The following SPPL3 variants were observed in gnomAD, a reference collection of about 807,000 sequenced individuals.
SPPL3 encodes signal peptide peptidase like 3.
In SPPL3, 5 loss-of-function variants were observed where a neutral mutation model predicts 42.4. The ratio of observed to expected loss-of-function variants is 0.12; its 90% CI spans 0.06 to 0.25. The LOEUF (loss-of-function observed/expected upper bound fraction) is 0.25. SPPL3 is among the 10% of genes least tolerant of loss of function. The probability of loss-of-function intolerance (pLI) is 1.00; values close to 1 mark genes in which losing one functional copy is unlikely to be tolerated. For synonymous variants in SPPL3, 195 were observed against 181.8 expected, an observed-to-expected ratio of 1.07 and a Z score of -0.58; for missense variants, 235 against 489.0, an observed-to-expected ratio of 0.48 and a Z score of 4.90.
At position 120,810,829 on chromosome 12, in the gene SPPL3, A is replaced by C; in HGVS notation, c.81T>G (p.Leu27=). 1 of 1,612,408 alleles carries C rather than the reference A, an allele frequency of 6.2e-7. No homozygotes were observed. The highest frequency in any genetic ancestry group is 1.1e-5 in the South Asian group (1 of 91,032). Reference sequence around the variant, plus strand: ...CTTACCTGAAACTACCATAGACTATAAGAAGAATGGAAATCAGAAATGTAG... The same window carrying C: ...CTTACCTGAAACTACCATAGACTATCAGAAGAATGGAAATCAGAAATGTAG... ...QVSTFLISIL[L]IVYGSFRSLN... The change falls in exon 2 of 11, where the codon CTT becomes CTG. Residue 27 remains leucine (L), a synonymous_variant. Transcript: ENST00000353487.
chr12:120,872,866 G>A (rs1872970611), intron 1 of SPPL3, among the ~76,000 whole-genome samples: 1 of 152,124 alleles, frequency 6.6e-6, no homozygotes. Flanking sequence ...GGATCAAACT[G>A]ATCCAAACAT....
chr12:120,880,776 G>A (rs1415391360), intron 1 of SPPL3, among the ~76,000 whole-genome samples: 1 of 151,556 alleles, frequency 6.6e-6, no homozygotes, highest in Admixed American at 6.6e-5. Context: ...GACAGAGAGA[G>A]ACTCCGTCTC....
At chr12:120,817,365 C>T (rs1483933431) in intron 1 of SPPL3, among the ~76,000 whole-genome samples, 1 of 152,162 alleles carries the variant, frequency 6.6e-6, no homozygotes, top group South Asian at 2.1e-4. Flanking sequence ...CAGAAATACT[C>T]TTTCCATCTT....
intron 1 of SPPL3, among the ~76,000 whole-genome samples, chr12:120,889,375 G>C (rs375331398): frequency 3.9e-5 from 6 of 152,198 alleles, no homozygotes; most frequent in Admixed American, 6.5e-5. Flanking sequence ...ACTAATGGGC[G>C]TAAGATTTAT....
chr12:120,796,153 A>C (rs1401938334), intron 2 of SPPL3, among the ~76,000 whole-genome samples: 1 of 152,152 alleles, frequency 6.6e-6, no homozygotes. Context: ...AGGTGGGTGG[A>C]TCACTTGACG....
Position 120,903,744 on chromosome 12 carries a change from C to A in SPPL3, c.23+101G>T, listed in dbSNP as rs1036542324. On this transcript the variant is annotated intron_variant, in intron 1 of 10. Transcript: ENST00000353487. Reference sequence around the variant, plus strand: ...CACCCCAACCCGCGCCCCCCCCCCACGACACGCACCTGTTCTTCCTCCTCT... The same window carrying A: ...CACCCCAACCCGCGCCCCCCCCCCAAGACACGCACCTGTTCTTCCTCCTCT... The A allele has an allele frequency of 5.0e-4, 352 of 711,000 alleles. 1 individual carries two copies. The highest frequency in any genetic ancestry group is 1.1e-3 in the Admixed American group (27 of 24,128). 44.0% of individuals were successfully genotyped at this position (711,000 alleles called of 1,614,324 possible). A position where few individuals can be genotyped will look rare whatever the true frequency, so the allele number is the denominator to read the frequency against.
intron 5 of SPPL3, among the ~76,000 whole-genome samples, chr12:120,783,251 C>CT (rs1869602978): frequency 6.6e-6 from 1 of 152,172 alleles, no homozygotes; most frequent in Non-Finnish European, 1.5e-5. Context: ...GCAGCAATGA[C>CT]TTTCAGAGTT....
At chr12:120,808,516 G>A (rs1157165524) in intron 2 of SPPL3, among the ~76,000 whole-genome samples, 1 of 152,120 alleles carries the variant, frequency 6.6e-6, no homozygotes, top group African/African-American at 2.4e-5. Flanking sequence ...AAACAATACA[G>A]TAATATGTAG....
In SPPL3 at chr12:120,762,862, G is replaced by C. The variant is rs1868714028; in HGVS notation, c.*2137C>G. ...CTGCCTCGGCCTCCCAAAGTGCTGG[G>C]ATTACAGGCATGAAGGATAACGTTA... On this transcript the variant is annotated 3_prime_UTR_variant, in exon 11 of 11. Coordinates refer to ENST00000353487, the MANE Select transcript of SPPL3 (RefSeq NM_139015.5). 6.6e-6 allele frequency: 1 copy of C among 152,278 alleles called. No individual in the cohort carries two copies. The allele number at this position is 152,278 out of a possible 1,614,324, so 9.4% of individuals were successfully genotyped here. A position where few individuals can be genotyped will look rare whatever the true frequency, so the allele number is the denominator to read the frequency against.
At chr12:120,797,511 T>C (rs1870145151) in intron 2 of SPPL3, among the ~76,000 whole-genome samples, 2 of 152,182 alleles carry the variant, frequency 1.3e-5, no homozygotes, top group Admixed American at 1.3e-4. Context: ...TTTTTTTTAT[T>C]GTTTTTAAAG....
intron 8 of SPPL3, among the ~76,000 whole-genome samples, chr12:120,768,015 AT>A (rs777930743): frequency 1.3e-5 from 2 of 152,240 alleles, no homozygotes; most frequent in East Asian, 1.9e-4. Flanking sequence ...ATTAGAACTT[AT>A]TTTTATAAAT....
At chr12:120,811,228 T>C (rs1478475130) in intron 1 of SPPL3, 1 of 172,242 alleles carries the variant, frequency 5.8e-6, no homozygotes, top group Non-Finnish European at 1.2e-5. Context: ...AAAGTCTCAA[T>C]AATCAGACTT....
chr12:120,875,624 CAA>C (rs60385982), intron 1 of SPPL3, among the ~76,000 whole-genome samples: 14 of 103,560 alleles, frequency 1.4e-4, no homozygotes, highest in Non-Finnish European at 1.8e-4. Flanking sequence ...GACTCCATTT[CAA>C]AAAAAAAAAA....
Position 120,895,140 on chromosome 12 carries a change from A to G in SPPL3, c.23+8705T>C, listed in dbSNP as rs553865037. On this transcript the variant is annotated intron_variant, in intron 1 of 10. Coordinates refer to ENST00000353487, the MANE Select transcript of SPPL3 (RefSeq NM_139015.5). ...AAAATCAAGATAAAACTAACATGAA[A>G]AAACAGGTCGGGCATGGTGGCTCAC... is the stretch of plus-strand genomic sequence containing the variant. Among the ~76,000 whole-genome samples, 206 of 152,038 alleles carry G rather than the reference A, an allele frequency of 1.4e-3. 2 individuals are homozygous for G. Among genetic ancestry groups the G allele is most frequent in the African/African-American group, 4.7e-3 (193 of 41,486 alleles).
intron 3 of SPPL3, among the ~76,000 whole-genome samples, chr12:120,791,040 G>A (rs553124914): frequency 3.3e-5 from 5 of 152,206 alleles, no homozygotes; most frequent in African/African-American, 1.2e-4. Flanking sequence ...AGCTGATCTT[G>A]AACTCCCAAC....
chr12:120,883,921 G>A (rs1873367076), intron 1 of SPPL3, among the ~76,000 whole-genome samples: 1 of 151,314 alleles, frequency 6.6e-6, no homozygotes, highest in Non-Finnish European at 1.5e-5. Flanking sequence ...GATCAACATG[G>A]AGAAACCCTG....
chr12:120,790,588 T>A (rs1247596671), intron 3 of SPPL3, among the ~76,000 whole-genome samples: 2 of 152,206 alleles, frequency 1.3e-5, no homozygotes, highest in African/African-American at 4.8e-5. Flanking sequence ...CCACATTCAC[T>A]AAGTCAAACC....
chr12:120,894,175 T>C (rs773225383), intron 1 of SPPL3, among the ~76,000 whole-genome samples: 1 of 151,874 alleles, frequency 6.6e-6, no homozygotes, highest in Non-Finnish European at 1.5e-5. Flanking sequence ...AAATACAAAA[T>C]TAGCTGGGCG....
chr12:120,763,822 T>TA lies in SPPL3; in HGVS notation c.*1176dup. ...TTGCTTTTTTCCTTTTTTTTTTTCT[T>TA]AAAGGAGTGAGGGCATGGAAAATAT... On this transcript the variant is annotated 3_prime_UTR_variant, in exon 11 of 11. Coordinates refer to ENST00000353487, the MANE Select transcript of SPPL3 (RefSeq NM_139015.5). 1.3e-5 allele frequency: 2 copies of TA among 149,864 alleles called. No homozygotes were observed. Among genetic ancestry groups the TA allele is most frequent in the African/African-American group, 4.9e-5 (2 of 40,690 alleles). 9.3% of individuals were successfully genotyped at this position (149,864 alleles called of 1,614,324 possible).
Sources: gnomAD v4.1 joint callset for allele counts (sites outside exome capture counted in the v4.1 genomes callset) on GRCh38, gnomAD v4.1.1 for gene constraint, MANE v1.5 for transcripts, NCBI Gene and HGNC (gene_info 2026-07-23, HGNC 2026-07-21) for gene names.